Variants in ARHGAP31 observed in about 807,000 individuals in gnomAD.
ARHGAP31 encodes Rho GTPase activating protein 31, also known as rho GTPase-activating protein 31.
ARHGAP31 carries 34 observed loss-of-function variants against 113.9 expected under a neutral mutation model. The observed-to-expected ratio is 0.30, with a 90% CI of 0.23 to 0.40. ARHGAP31 has a LOEUF of 0.40. Among genes scored for constraint, ARHGAP31 ranks in the 10% least tolerant of loss-of-function variants. The pLI, the probability that ARHGAP31 is intolerant of heterozygous loss-of-function variation, is 1.00. For synonymous variants in ARHGAP31, 650 were observed against 684.8 expected (o/e 0.95, Z 0.79); for missense variants, 1,548 against 1,767.1 (o/e 0.88, Z 2.22).
intron 11 of ARHGAP31, among the ~76,000 whole-genome samples, chr3:119,411,308 G>A (rs1417414685): frequency 6.6e-6 from 1 of 152,166 alleles, no homozygotes; most frequent in Admixed American, 6.5e-5. Flanking sequence ...GCATCAGGAG[G>A]GGAGTATGTG....
chr3:119,296,651 C>T (rs1348117789), intron 1 of ARHGAP31, among the ~76,000 whole-genome samples: 1 of 152,094 alleles, frequency 6.6e-6, no homozygotes, highest in Non-Finnish European at 1.5e-5. Context: ...ATAGGATGAG[C>T]CAGAACCCCA....
chr3:119,381,761 G>GT (rs1360574709), intron 4 of ARHGAP31, among the ~76,000 whole-genome samples: 194 of 152,290 alleles, frequency 1.3e-3, no homozygotes, highest in African/African-American at 4.3e-3. Flanking sequence ...GCCCAGGCGG[G>GT]CGAGCACGAG....
At chr3:119,400,757 C>T (rs1180653380) in intron 9 of ARHGAP31, among the ~76,000 whole-genome samples, 1 of 152,070 alleles carries the variant, frequency 6.6e-6, no homozygotes, top group Non-Finnish European at 1.5e-5. Flanking sequence ...TGTAAGATGC[C>T]CAGTTTAGTG....
intron 1 of ARHGAP31, among the ~76,000 whole-genome samples, chr3:119,318,159 ACTCAAGAGG>A (rs1318235199): frequency 1.3e-5 from 2 of 152,006 alleles, no homozygotes; most frequent in Admixed American, 1.3e-4. Context: ...GTCCCCAGCT[ACTCAAGAGG>A]CTGAAGTGGG....
At chr3:119,343,315 G>T (rs2080026237) in intron 1 of ARHGAP31, among the ~76,000 whole-genome samples, 1 of 152,176 alleles carries the variant, frequency 6.6e-6, no homozygotes, top group South Asian at 2.1e-4. Flanking sequence ...CAAACTGAAT[G>T]ATGTTCAGCA....
chr3:119,325,718 G>A (rs1405750396), intron 1 of ARHGAP31, among the ~76,000 whole-genome samples: 1 of 152,178 alleles, frequency 6.6e-6, no homozygotes, highest in Non-Finnish European at 1.5e-5. Flanking sequence ...GACAGCTAGG[G>A]CAAAACAGTG....
chr3:119,311,218 C>A (rs2079681005), intron 1 of ARHGAP31, among the ~76,000 whole-genome samples: 1 of 152,160 alleles, frequency 6.6e-6, no homozygotes, highest in Admixed American at 6.5e-5. Flanking sequence ...AAAACGAGCT[C>A]CTTGAAGACT....
At chr3:119,345,430 G>A (rs2080047972) in intron 1 of ARHGAP31, among the ~76,000 whole-genome samples, 1 of 152,218 alleles carries the variant, frequency 6.6e-6, no homozygotes, top group Non-Finnish European at 1.5e-5. Context: ...AGGCATGCCT[G>A]GTCTCAGTGG....
At chr3:119,350,817 C>T (rs1045813209) in intron 1 of ARHGAP31, among the ~76,000 whole-genome samples, 2 of 152,074 alleles carry the variant, frequency 1.3e-5, no homozygotes, top group Non-Finnish European at 2.9e-5. Context: ...AAATGAGAAA[C>T]AAAAACAAAA....
chr3:119,302,810 A>G (rs1356627551), intron 1 of ARHGAP31, among the ~76,000 whole-genome samples: 4 of 152,196 alleles, frequency 2.6e-5, no homozygotes, highest in Non-Finnish European at 4.4e-5. Context: ...TTTTGCCACA[A>G]CCTATGAAAA....
At chr3:119,382,067 G>A (rs1476697488) in intron 4 of ARHGAP31, among the ~76,000 whole-genome samples, 3 of 151,474 alleles carry the variant, frequency 2.0e-5, no homozygotes, top group African/African-American at 7.3e-5. Context: ...GTGCTCCAGG[G>A]TCCTCTGCTT....
At chr3:119,380,677 A>C (rs2080389302) in intron 3 of ARHGAP31, among the ~76,000 whole-genome samples, 1 of 152,068 alleles carries the variant, frequency 6.6e-6, no homozygotes, top group African/African-American at 2.4e-5. Context: ...AGTCCCAGGC[A>C]GCCCACCGCC....
chr3:119,319,342 G>T (rs2079762414), intron 1 of ARHGAP31, among the ~76,000 whole-genome samples: 1 of 151,268 alleles, frequency 6.6e-6, no homozygotes, highest in Admixed American at 6.6e-5. Flanking sequence ...TTGGTGTTTT[G>T]ATTTTAGACA....
At chr3:119,358,310 TC>T (rs2080176569) in intron 1 of ARHGAP31, among the ~76,000 whole-genome samples, 1 of 152,204 alleles carries the variant, frequency 6.6e-6, no homozygotes, top group African/African-American at 2.4e-5. Flanking sequence ...TGATACCACT[TC>T]ACAACTACTA....
intron 1 of ARHGAP31, among the ~76,000 whole-genome samples, chr3:119,318,145 C>A (rs1185525346): frequency 6.6e-6 from 1 of 152,062 alleles, no homozygotes; most frequent in African/African-American, 2.4e-5. Flanking sequence ...TGGCTCATGC[C>A]TGTGTCCCCA....
intron 1 of ARHGAP31, among the ~76,000 whole-genome samples, chr3:119,310,572 A>G (rs2079670673): frequency 2.0e-5 from 3 of 152,182 alleles, no homozygotes; most frequent in East Asian, 1.9e-4. Context: ...CGCCAATCCT[A>G]TTGTGAACTG....
chr3:119,341,499 T>C (rs143308937), intron 1 of ARHGAP31, among the ~76,000 whole-genome samples: 13 of 152,178 alleles, frequency 8.5e-5, no homozygotes, highest in African/African-American at 2.9e-4. Flanking sequence ...CACCAAGAGG[T>C]TAAGAAATTT....
chr3:119,420,571 T>C lies in ARHGAP31; in HGVS notation c.*4307T>C, dbSNP rs2080811973. The C allele has an allele frequency of 6.6e-6, 1 of 152,090 alleles. No individual in the cohort carries two copies. The highest frequency in any genetic ancestry group is 6.6e-5 in the Admixed American group (1 of 15,258). The allele number at this position is 152,090 out of a possible 1,614,324, so 9.4% of individuals were successfully genotyped here. ...TGCAGAGATTACTTTTCTGTGAGGG[T>C]AAGGGGGACGTAGCTAAATATAAGA... On this transcript the variant is annotated 3_prime_UTR_variant, in exon 12 of 12. Coordinates refer to ENST00000264245, the MANE Select transcript of ARHGAP31 (RefSeq NM_020754.4).
At chr3:119,366,115 G>A (rs1400912905) in intron 2 of ARHGAP31, among the ~76,000 whole-genome samples, 1 of 151,760 alleles carries the variant, frequency 6.6e-6, no homozygotes, top group African/African-American at 2.4e-5. Context: ...AGAAAACAGA[G>A]TATATATGTA....
Sources: gnomAD v4.1 joint callset for allele counts (sites outside exome capture counted in the v4.1 genomes callset) on GRCh38, gnomAD v4.1.1 for gene constraint, MANE v1.5 for transcripts, NCBI Gene and HGNC (gene_info 2026-07-23, HGNC 2026-07-21) for gene names.